Variants in A2ML1 observed in about 807,000 individuals in gnomAD.
A2ML1 encodes the protein alpha-2-macroglobulin like 1, also known as alpha-2-macroglobulin-like protein 1.
Under a neutral mutation model 181.9 loss-of-function variants are expected in A2ML1, and 161 were observed. That is an observed-to-expected ratio of 0.89 (90% CI 0.78 to 1.01). The LOEUF (loss-of-function observed/expected upper bound fraction) is 1.01, where lower values mean the gene tolerates loss of function less well. Among genes scored for constraint, A2ML1 ranks in the 50% least tolerant of loss-of-function variants. The pLI, the probability that A2ML1 is intolerant of heterozygous loss-of-function variation, is 0.00. For synonymous variants in A2ML1, 663 were observed against 666.8 expected, an observed-to-expected ratio of 0.99 and a Z score of 0.09; for missense variants, 1,670 against 1,768.1, an observed-to-expected ratio of 0.94 and a Z score of 1.00.
intron 14 of A2ML1, 104 bp from the exon 15 acceptor site, chr12:8,847,445 T>C: frequency 7.6e-7 from 1 of 1,307,644 alleles, no homozygotes; most frequent in Non-Finnish European, 1.0e-6. Context: ...AAAGAATGGG[T>C]TGGATGTCAT....
chr12:8,855,180 A>G (rs748004017), intron 22 of A2ML1, among the ~76,000 whole-genome samples: 1 of 152,288 alleles, frequency 6.6e-6, no homozygotes, highest in South Asian at 2.1e-4. Flanking sequence ...GGCGTGAGCC[A>G]CTGCACCCGG....
intron 29 of A2ML1, among the ~76,000 whole-genome samples, chr12:8,865,503 C>T (rs1053770081): frequency 6.6e-6 from 1 of 152,244 alleles, no homozygotes; most frequent in Non-Finnish European, 1.5e-5. Context: ...GGCGCCATTG[C>T]ACTCCAGCCT....
At chr12:8,845,939 T>C (rs1943669337) in intron 13 of A2ML1, 138 bp from the exon 14 acceptor site, 3 of 749,656 alleles carry the variant, frequency 4.0e-6, no homozygotes, top group Non-Finnish European at 4.1e-6. Flanking sequence ...CTAACAGTTA[T>C]CACAGGAGAA....
In A2ML1 at chr12:8,837,514, G is replaced by T; in HGVS notation, c.803G>T (p.Arg268Leu). The T allele has an allele frequency of 1.2e-6, 2 of 1,614,052 alleles. No individual in the cohort carries two copies. Among genetic ancestry groups the T allele is most frequent in the Non-Finnish European group, 1.7e-6 (2 of 1,179,958 alleles). The change falls in exon 8 of 36, where the codon CGA becomes CTA. Residue 268 changes from arginine to leucine, a missense_variant. By Grantham distance (102) the Arg-to-Leu change is moderately radical. Transcript: ENST00000299698. The part of the protein sequence containing the change: ...VCQKANTYWY[R>L]EVEREQLPDK... ...CAGAAGGCAAATACTTACTGGTATCGAGAGGTGGAACGGGAACAGCTTCCT... is the reference window on the plus strand; with the variant it reads ...CAGAAGGCAAATACTTACTGGTATCTAGAGGTGGAACGGGAACAGCTTCCT...
intron 3 of A2ML1, among the ~76,000 whole-genome samples, chr12:8,828,239 G>C (rs1942993802): frequency 6.6e-6 from 1 of 152,210 alleles, no homozygotes; most frequent in Non-Finnish European, 1.5e-5. Context: ...TAATCTGCGA[G>C]CCAGGGCCTG....
intron 18 of A2ML1, 35 bp from the exon 19 acceptor site, chr12:8,851,749 A>G (rs947548985): frequency 2.5e-6 from 4 of 1,605,146 alleles, no homozygotes; most frequent in South Asian, 1.1e-5. Context: ...GCCCCACGCT[A>G]CCTCTGCCTC....
At position 8,827,224 on chromosome 12, in the gene A2ML1, C is replaced by T. The variant is rs765052771; in HGVS notation, c.410-2503C>T. Among the ~76,000 whole-genome samples, 5 of 152,218 alleles carry T rather than the reference C, an allele frequency of 3.3e-5. No individual in the cohort carries two copies. The South Asian group carries it at 1.0e-3, about 32-fold the overall frequency. On this transcript the variant is annotated intron_variant, in intron 3 of 35. Coordinates refer to ENST00000299698, the MANE Select transcript of A2ML1 (RefSeq NM_144670.6). ...GCAAGGTGGCCTGTGCCTGTAATCCCAGCTACTGGGGAGGCTGAGGCAGGA... is the reference window on the plus strand; with the variant it reads ...GCAAGGTGGCCTGTGCCTGTAATCCTAGCTACTGGGGAGGCTGAGGCAGGA...
intron 12 of A2ML1, among the ~76,000 whole-genome samples, chr12:8,843,658 C>T (rs1054388883): frequency 2.6e-5 from 4 of 151,812 alleles, no homozygotes; most frequent in Non-Finnish European, 4.4e-5. Context: ...ATGTATTTTA[C>T]ACTTAAAGCG....
At chr12:8,832,725 G>A (rs1390343946) in intron 4 of A2ML1, among the ~76,000 whole-genome samples, 1 of 152,176 alleles carries the variant, frequency 6.6e-6, no homozygotes, top group African/African-American at 2.4e-5. Context: ...TGCTGAGAGG[G>A]GGCGTAGTGA....
chr12:8,866,197 C>G (rs957264076), intron 29 of A2ML1, among the ~76,000 whole-genome samples: 1 of 150,072 alleles, frequency 6.7e-6, no homozygotes, highest in African/African-American at 2.5e-5. Context: ...CCCAGCTACT[C>G]GGGAGGCTGA....
At chr12:8,833,004 C>G (rs73036989) in intron 4 of A2ML1, among the ~76,000 whole-genome samples, 12,632 of 111,758 alleles carry the variant, frequency 0.11, 1,612 homozygotes, top group African/African-American at 0.33. Flanking sequence ...GACGGAGTTT[C>G]GCTGCGTTGC....
intron 10 of A2ML1, among the ~76,000 whole-genome samples, chr12:8,839,781 C>T (rs1943405653): frequency 6.6e-6 from 1 of 152,124 alleles, no homozygotes; most frequent in African/African-American, 2.4e-5. Flanking sequence ...CAGTCTCGCT[C>T]TTGTTGCCCA....
At chr12:8,862,247 G>T (rs1944292205) in intron 28 of A2ML1, among the ~76,000 whole-genome samples, 1 of 151,698 alleles carries the variant, frequency 6.6e-6, no homozygotes, top group Admixed American at 6.6e-5. Flanking sequence ...CTGTCACCCA[G>T]GCTGGAGTGC....
At chr12:8,833,257 G>A (rs1428861112) in intron 4 of A2ML1, among the ~76,000 whole-genome samples, 1 of 152,080 alleles carries the variant, frequency 6.6e-6, no homozygotes, top group African/African-American at 2.4e-5. Flanking sequence ...ATGGGCGTGA[G>A]CCACCATGCC....
intron 11 of A2ML1, among the ~76,000 whole-genome samples, chr12:8,842,119 G>T (rs1333772166): frequency 1.3e-5 from 2 of 152,220 alleles, no homozygotes; most frequent in African/African-American, 4.8e-5. Flanking sequence ...TCATGCAGGA[G>T]CCAGCTAGCC....
intron 3 of A2ML1, among the ~76,000 whole-genome samples, chr12:8,827,562 T>G (rs1030352571): frequency 6.6e-6 from 1 of 152,238 alleles, no homozygotes; most frequent in African/African-American, 2.4e-5. Flanking sequence ...ATTCTCGATC[T>G]GAAAGATCAC....
Position 8,869,165 on chromosome 12 carries a change from G to T in A2ML1, c.4183G>T (p.Glu1395Ter), listed in dbSNP as rs369978459. 5.0e-6 allele frequency: 8 copies of T among 1,614,066 alleles called. No individual in the cohort carries two copies. The highest frequency in any genetic ancestry group is 6.8e-6 in the Non-Finnish European group (8 of 1,180,018). The change falls in exon 33 of 36, where the codon GAA becomes TAA. Residue 1395 changes from glutamate (E) to a stop codon, truncating the protein, a stop_gained. Coordinates refer to ENST00000299698, the MANE Select transcript of A2ML1 (RefSeq NM_144670.6). LOFTEE classifies it high-confidence loss of function. ...CCAGCAACCCCTGGTGAAGAAGGTT[G>T]AATTTGGAACTGACACACTTAACAT... ...LLQQPLVKKV[E>*]FGTDTLNIYL...
rs71045213 is a variant in A2ML1, at chr12:8,840,978, A to AGAAGGAAGGAAGGAAGGAAGGAAG, written c.1081-380_1081-357dup. Among the ~76,000 whole-genome samples, 312 of 125,310 alleles carry AGAAGGAAGGAAGGAAGGAAGGAAG rather than the reference A, an allele frequency of 2.5e-3. 5 individuals carry two copies. Among genetic ancestry groups the AGAAGGAAGGAAGGAAGGAAGGAAG allele is most frequent in the African/African-American group, 9.4e-3 (294 of 31,284 alleles). The allele number at this position is 125,310 out of a possible 152,430, so 82.2% of individuals were successfully genotyped here. A position where few individuals can be genotyped will look rare whatever the true frequency, so the allele number is the denominator to read the frequency against. Reference sequence around the variant, plus strand: ...AGGAAGGAAGGAAAGAAGGAAGGAAAGAAGGAAGGAAGGAAGGAAGGAAGG... The same window carrying AGAAGGAAGGAAGGAAGGAAGGAAG: ...AGGAAGGAAGGAAAGAAGGAAGGAAAGAAGGAAGGAAGGAAGGAAGGAAGGAAGGAAGGAAGGAAGGAAGGAAGG... On this transcript the variant is annotated intron_variant, in intron 10 of 35. Transcript: ENST00000299698.
At position 8,839,170 on chromosome 12, in the gene A2ML1, C is replaced by T. The variant is rs773440069; in HGVS notation, c.1028C>T (p.Thr343Ile). 2.4e-5 allele frequency: 39 copies of T among 1,613,576 alleles called. No homozygotes were observed. Among genetic ancestry groups the T allele is most frequent in the Non-Finnish European group, 3.1e-5 (37 of 1,179,740 alleles). Residue 343 changes from threonine to isoleucine, a missense_variant, in exon 10 of 36, where the codon ACC becomes ATC. Coordinates refer to ENST00000299698, the MANE Select transcript of A2ML1 (RefSeq NM_144670.6). ...ATTTCTCCACAAATGGGATCAATGACCTTTGAAGACACCAGCAATTTTTAC... is the reference window on the plus strand; with the variant it reads ...ATTTCTCCACAAATGGGATCAATGATCTTTGAAGACACCAGCAATTTTTAC... ...IYISPQMGSM[T>I]FEDTSNFYHP...
Sources: allele counts gnomAD v4.1 joint callset (sites outside exome capture counted in the v4.1 genomes callset), GRCh38; gene constraint gnomAD v4.1.1; transcripts MANE v1.5; gene names NCBI Gene and HGNC (gene_info 2026-07-23, HGNC 2026-07-21).